The following PSD3 variants were observed in gnomAD, a reference collection of about 807,000 sequenced individuals.
PSD3 encodes the protein PH and SEC7 domain-containing protein 3.
A neutral mutation model predicts 105.5 loss-of-function variants in PSD3; 49 were observed. The observed-to-expected ratio is 0.46, with a 90% CI of 0.37 to 0.59. PSD3 has a LOEUF of 0.59. Among genes scored for constraint, PSD3 ranks in the 20% least tolerant of loss-of-function variants. The pLI is 0.00. For synonymous variants in PSD3, 557 were observed against 457.8 expected (o/e 1.22, Z -2.77); for missense variants, 1,561 against 1,263.8 (o/e 1.24, Z -3.57).
intron 1 of PSD3, among the ~76,000 whole-genome samples, chr8:18,984,192 A>AAATGATAATAATAAT (rs144904865): frequency 6.8e-6 from 1 of 146,418 alleles, no homozygotes; most frequent in Non-Finnish European, 1.5e-5. Flanking sequence ...CCTTCAATTA[A>AAATGATAATAATAAT]AATAATAATA....
chr8:18,904,500 T>C (rs926168822), intron 2 of PSD3, among the ~76,000 whole-genome samples: 1 of 152,238 alleles, frequency 6.6e-6, no homozygotes, highest in Non-Finnish European at 1.5e-5. Flanking sequence ...CAAGGTTTAA[T>C]GTCTTCCCTG....
chr8:19,081,018 C>T (rs1221769750), intron 1 of PSD3, among the ~76,000 whole-genome samples: 1 of 152,144 alleles, frequency 6.6e-6, no homozygotes, highest in Non-Finnish European at 1.5e-5. Context: ...ATCCTCTTAT[C>T]TTTAGCCCCA....
intron 1 of PSD3, 137 bp downstream of exon 1, chr8:19,013,426 G>A: frequency 7.7e-6 from 9 of 1,169,654 alleles, no homozygotes; most frequent in Non-Finnish European, 1.1e-5. Flanking sequence ...ATCGCACCCT[G>A]CACCTATCCA....
chr8:18,934,865 T>C (rs919808915), intron 2 of PSD3, among the ~76,000 whole-genome samples: 4 of 152,208 alleles, frequency 2.6e-5, no homozygotes, highest in African/African-American at 9.6e-5. Context: ...TATCATCGGT[T>C]TTCCATAAAA....
chr8:19,070,367 T>G (rs1383406377), intron 1 of PSD3, among the ~76,000 whole-genome samples: 1 of 40,090 alleles, frequency 2.5e-5, no homozygotes, highest in Non-Finnish European at 6.6e-5. Flanking sequence ...GTATGTCATG[T>G]GCAAAAAAAA....
intron 2 of PSD3, among the ~76,000 whole-genome samples, chr8:18,934,157 C>G (rs1316563863): frequency 6.6e-6 from 1 of 152,182 alleles, no homozygotes; most frequent in Non-Finnish European, 1.5e-5. Flanking sequence ...ATAATCCCAT[C>G]TAACATGTGA....
chr8:19,078,737 G>A (rs1401140506), intron 1 of PSD3, among the ~76,000 whole-genome samples: 1 of 151,856 alleles, frequency 6.6e-6, no homozygotes, highest in Non-Finnish European at 1.5e-5. Context: ...AGGGATGCAG[G>A]CCTAAGAGAA....
chr8:18,910,952 A>T (rs571221733), intron 2 of PSD3, among the ~76,000 whole-genome samples: 3 of 152,038 alleles, frequency 2.0e-5, no homozygotes, highest in African/African-American at 7.2e-5. Flanking sequence ...AAAAAAAAAA[A>T]AATAAGTTAG....
intron 12 of PSD3, among the ~76,000 whole-genome samples, chr8:18,586,624 T>C (rs1231525301): frequency 6.6e-6 from 1 of 152,102 alleles, no homozygotes; most frequent in African/African-American, 2.4e-5. Flanking sequence ...AAGCCAGCCA[T>C]TATGGACTTC....
At chr8:18,970,324 CAAAAAAAA>C (rs11450922) in intron 1 of PSD3, among the ~76,000 whole-genome samples, 4 of 45,310 alleles carry the variant, frequency 8.8e-5, no homozygotes, top group Admixed American at 4.3e-4. Context: ...GACTCTGCCT[CAAAAAAAA>C]AAAAAAAAAA....
At chr8:18,621,541 A>G (rs1284374894) in intron 11 of PSD3, among the ~76,000 whole-genome samples, 2 of 152,214 alleles carry the variant, frequency 1.3e-5, no homozygotes, top group Non-Finnish European at 2.9e-5. Flanking sequence ...TTAATCTTTT[A>G]GTCTAAATTT....
At chr8:18,791,540 AACTGGATCCCTT>A (rs1221911073) in intron 8 of PSD3, among the ~76,000 whole-genome samples, 2 of 152,194 alleles carry the variant, frequency 1.3e-5, no homozygotes, top group African/African-American at 4.8e-5. Flanking sequence ...AGAAAACTGA[AACTGGATCCCTT>A]CCTTACACCA....
chr8:18,600,873 G>C (rs1017283610), intron 11 of PSD3, among the ~76,000 whole-genome samples: 3 of 152,140 alleles, frequency 2.0e-5, no homozygotes, highest in African/African-American at 7.2e-5. Flanking sequence ...TAGAAATCAC[G>C]AAGTAGTCTC....
At chr8:18,947,348 C>T (rs1386165124) in intron 1 of PSD3, among the ~76,000 whole-genome samples, 2 of 152,324 alleles carry the variant, frequency 1.3e-5, no homozygotes, top group African/African-American at 2.4e-5. Flanking sequence ...CATGCAGCCC[C>T]GCTGCCAGCT....
chr8:19,041,917 A>G (rs1192157702), intron 1 of PSD3, among the ~76,000 whole-genome samples: 2 of 152,228 alleles, frequency 1.3e-5, no homozygotes, highest in Non-Finnish European at 2.9e-5. Context: ...AAAAGGGGAG[A>G]CAAGACGAAA....
chr8:18,664,960 A>C (rs924753231), intron 9 of PSD3, among the ~76,000 whole-genome samples: 2 of 152,226 alleles, frequency 1.3e-5, no homozygotes, highest in African/African-American at 4.8e-5. Flanking sequence ...CCTATTGCTC[A>C]GAAAAAAGGA....
At chr8:18,954,532 ACCATCCAT>A (rs745421536) in intron 1 of PSD3, among the ~76,000 whole-genome samples, 1 of 152,000 alleles carries the variant, frequency 6.6e-6, no homozygotes, top group Non-Finnish European at 1.5e-5. Flanking sequence ...GAAGCAATCA[ACCATCCAT>A]CCATCCATCC....
chr8:18,552,711 T>C (rs1489900299), intron 15 of PSD3, among the ~76,000 whole-genome samples: 1 of 152,212 alleles, frequency 6.6e-6, no homozygotes, highest in Non-Finnish European at 1.5e-5. Flanking sequence ...TGATATTTAT[T>C]TCTTGAAATT....
intron 4 of PSD3, among the ~76,000 whole-genome samples, chr8:18,833,750 T>G (rs1813869536): frequency 6.6e-6 from 1 of 152,038 alleles, no homozygotes; most frequent in Non-Finnish European, 1.5e-5. Flanking sequence ...ATCCTCATTT[T>G]AAAAGATCTA....
Sources: gnomAD v4.1 joint callset for allele counts (sites outside exome capture counted in the v4.1 genomes callset) on GRCh38, gnomAD v4.1.1 for gene constraint, MANE v1.5 for transcripts, NCBI Gene and HGNC (gene_info 2026-07-23, HGNC 2026-07-21) for gene names.